The following CLUH variants were observed in gnomAD, a reference collection of about 807,000 sequenced individuals.
CLUH encodes the protein CLUH binding protein of NUMT mRNA.
Under a neutral mutation model 139.3 loss-of-function variants are expected in CLUH, and 77 were observed. That is an observed-to-expected ratio of 0.55 (90% CI 0.46 to 0.67). CLUH has a LOEUF of 0.67. Among genes scored for constraint, CLUH ranks in the 30% least tolerant of loss-of-function variants. CLUH has a pLI of 0.00. For missense variants in CLUH, 1,876 were observed against 1,875.8 expected (o/e 1.00, Z 0.00); for synonymous variants, 999 against 801.6 (o/e 1.25, Z -4.16).
chr17:2,691,945 G>A lies in CLUH; in HGVS notation c.3655-50C>T. 2.5e-5 allele frequency: 29 copies of A among 1,172,310 alleles called. 1 individual carries two copies. The highest frequency in any genetic ancestry group is 3.2e-5 in the Non-Finnish European group (29 of 904,828). The allele number at this position is 1,172,310 out of a possible 1,614,324, so 72.6% of individuals were successfully genotyped here. On this transcript the variant is annotated intron_variant, in intron 23 of 25. Coordinates refer to ENST00000651024, the MANE Select transcript of CLUH (RefSeq NM_001366661.1). ...GGCCCCCCCGTGCCCCCGCGGCCCCGCCCCCGCCCCGCCACGCCCCCGCCC... is the reference window on the plus strand; with the variant it reads ...GGCCCCCCCGTGCCCCCGCGGCCCCACCCCCGCCCCGCCACGCCCCCGCCC...
In CLUH at chr17:2,703,827, G is replaced by A. The variant is rs889587509; in HGVS notation, c.304-338C>T. Among the ~76,000 whole-genome samples, 10 of 152,076 alleles carry A rather than the reference G, an allele frequency of 6.6e-5. No individual in the cohort carries two copies. Among genetic ancestry groups the A allele is most frequent in the Non-Finnish European group, 1.2e-4 (8 of 68,018 alleles). On this transcript the variant is annotated intron_variant, in intron 2 of 25. Coordinates refer to ENST00000651024, the MANE Select transcript of CLUH (RefSeq NM_001366661.1). The surrounding 1 kb of genome is among the most constrained non-coding windows in gnomAD (Gnocchi z 4.2). ...GACAGAAGACGGCAGGCTCGCCCCC[G>A]GCCTTGCCCAGTGCTAAGGTGCCTG...
Position 2,694,838 on chromosome 17 carries a change from G to GGCCCC in CLUH, c.2852+18_2852+19insGGGGC. The GGCCCC allele has an allele frequency of 3.0e-6, 2 of 671,490 alleles. No individual in the cohort carries two copies. The highest frequency in any genetic ancestry group is 4.6e-6 in the Non-Finnish European group (2 of 435,574). The allele number at this position is 671,490 out of a possible 1,614,324, so 41.6% of individuals were successfully genotyped here. On this transcript the variant is annotated intron_variant, in intron 16 of 25. Transcript: ENST00000651024. ...TCTGCCCAATCCCACCCACCCCACC[G>GGCCCC]CCCCTGCCCCGCACGCACCACTCGA...
Position 2,695,304 on chromosome 17 carries a change from C to T in CLUH, c.2545-24G>A, listed in dbSNP as rs1481513439. 3.1e-6 allele frequency: 5 copies of T among 1,613,554 alleles called. No homozygotes were observed. The African/African-American group carries it at 4.0e-5, about 13-fold the overall frequency. The stretch of plus-strand genomic sequence containing the variant: ...TTCTGGAAGGATTCAGAAGGGAGGT[C>T]TTGGTCAGGCCCCCGGCCTCCATCC... On this transcript the variant is annotated intron_variant, in intron 14 of 25. Coordinates refer to ENST00000651024, the MANE Select transcript of CLUH (RefSeq NM_001366661.1).
chr17:2,695,443 C>T lies in CLUH; in HGVS notation c.2475G>A (p.Met825Ile), dbSNP rs1481387862. The change falls in exon 14 of 26, where the codon ATG becomes ATA. Residue 825 changes from methionine (M) to isoleucine (I), a missense_variant. Around this residue, in one of 3 missense-constraint regions of CLUH, gnomAD observed 1,454 missense variants for 1,384.4 expected, o/e 1.05. Coordinates refer to ENST00000651024, the MANE Select transcript of CLUH (RefSeq NM_001366661.1). ...AEVMRQRGIN[M>I]RYLGKVLELV... Reference sequence around the variant, plus strand: ...GCTCCAGCACCTTGCCCAGGTAGCGCATGTTGATGCCCCGCTGGCGCATCA... The same window carrying T: ...GCTCCAGCACCTTGCCCAGGTAGCGTATGTTGATGCCCCGCTGGCGCATCA... The T allele has an allele frequency of 1.2e-6, 2 of 1,612,130 alleles. No individual in the cohort carries two copies. The highest frequency in any genetic ancestry group is 1.7e-5 in the Admixed American group (1 of 59,988).
chr17:2,705,499 C>G (rs571091508), intron 1 of CLUH, among the ~76,000 whole-genome samples: 1 of 152,174 alleles, frequency 6.6e-6, no homozygotes, highest in South Asian at 2.1e-4. Context: ...GCCCTCCCAC[C>G]GCTGTGCTTC....
At chr17:2,690,943 GAAGGT>G (rs1158339782) in intron 25 of CLUH, among the ~76,000 whole-genome samples, 166 bp from the exon 26 acceptor site, 1 of 152,152 alleles carries the variant, frequency 6.6e-6, no homozygotes, top group Non-Finnish European at 1.5e-5. Flanking sequence ...TGAACACGGA[GAAGGT>G]AAGGACCCCG....
chr17:2,709,041 G>A (rs796460826), intron 1 of CLUH, among the ~76,000 whole-genome samples: 14 of 152,326 alleles, frequency 9.2e-5, no homozygotes, highest in African/African-American at 2.6e-4. Flanking sequence ...CTGCATACAC[G>A]CAAACTCAGA....
Position 2,711,722 on chromosome 17 carries a change from G to C in CLUH, c.-61C>G, listed in dbSNP as rs2070529352. On this transcript the variant is annotated 5_prime_UTR_variant, in exon 1 of 26. Transcript: ENST00000651024. ...GCCGCCCGCCGCGCCACTAACCCAAGTGCCCTGCGCGCCGCGGCTGCTGAG... is the reference window on the plus strand; with the variant it reads ...GCCGCCCGCCGCGCCACTAACCCAACTGCCCTGCGCGCCGCGGCTGCTGAG... 1 of 719,296 alleles carries C rather than the reference G, an allele frequency of 1.4e-6. No individual in the cohort carries two copies. The highest frequency in any genetic ancestry group is 1.3e-4 in the East Asian group (1 of 7,544). 44.6% of individuals were successfully genotyped at this position (719,296 alleles called of 1,614,324 possible). A position where few individuals can be genotyped will look rare whatever the true frequency, so the allele number is the denominator to read the frequency against.
chr17:2,698,294 C>G lies in CLUH; in HGVS notation c.1563G>C (p.Thr521=), dbSNP rs943042370. 1.2e-6 allele frequency: 2 copies of G among 1,612,004 alleles called. No homozygotes were observed. The highest frequency in any genetic ancestry group is 1.7e-6 in the Non-Finnish European group (2 of 1,179,484). ...VVVDYRGYRV[T]AQSIIPGILE... ...GGATGCCGGGGATGATGGACTGGGC[C>G]GTGACCCGGTAGCCGCGGTAATCCA... The change falls in exon 10 of 26, where the codon ACG becomes ACC. Residue 521 remains threonine, a synonymous_variant. Coordinates refer to ENST00000651024, the MANE Select transcript of CLUH (RefSeq NM_001366661.1).
chr17:2,709,487 C>A lies in CLUH; in HGVS notation c.100+2075G>T, dbSNP rs140232475. On this transcript the variant is annotated intron_variant, in intron 1 of 25. Transcript: ENST00000651024. ...GATCCTGTTGCGGAGCTCCCATAAG[C>A]CCCTAGACTCCTTCCCCAGCTGCCA... 2.0e-5 allele frequency among the ~76,000 whole-genome samples: 3 copies of A among 152,248 alleles called. No individual in the cohort carries two copies. In the East Asian group the frequency reaches 5.8e-4, roughly 29 times the overall value.
intron 13 of CLUH, chr17:2,695,736 A>C: frequency 1.4e-5 from 9 of 654,558 alleles, no homozygotes; most frequent in East Asian, 2.8e-5. Context: ...CCCTCTAACC[A>C]TGTGGGAGAA....
rs2069560858 is a variant in CLUH at position 2,689,998 on chromosome 17, A to T, written c.*596T>A. On this transcript the variant is annotated 3_prime_UTR_variant, in exon 26 of 26. Coordinates refer to ENST00000651024, the MANE Select transcript of CLUH (RefSeq NM_001366661.1). ...CAGCAGCCAGACCACGCCAGTCACA[A>T]CGGCGGCTCCCGTCCCGCCCCAAAC... 6.6e-6 allele frequency: 1 copy of T among 151,930 alleles called. No homozygotes were observed. Among genetic ancestry groups the T allele is most frequent in the South Asian group, 2.1e-4 (1 of 4,808 alleles). The allele number at this position is 151,930 out of a possible 1,614,324, so 9.4% of individuals were successfully genotyped here.
At chr17:2,710,100 A>C (rs1419866547) in intron 1 of CLUH, among the ~76,000 whole-genome samples, 1 of 152,196 alleles carries the variant, frequency 6.6e-6, no homozygotes, top group Non-Finnish European at 1.5e-5. Context: ...GGGCCAGGCC[A>C]CGGCAGCCTT....
At chr17:2,710,616 G>C (rs2070485270) in intron 1 of CLUH, among the ~76,000 whole-genome samples, 1 of 152,132 alleles carries the variant, frequency 6.6e-6, no homozygotes, top group South Asian at 2.1e-4. Context: ...CTGAGGGCCT[G>C]GGAAGGGGAT....
At chr17:2,691,962 C>CCCCCGCCCCG (rs774014694) in intron 23 of CLUH, 42 bp downstream of exon 23, 2 of 672,592 alleles carry the variant, frequency 3.0e-6, no homozygotes, top group Non-Finnish European at 3.6e-6. Flanking sequence ...CCCCGCCACG[C>CCCCCGCCCCG]CCCCGCCCCG....
rs2069903924 is a variant in CLUH at position 2,695,497 on chromosome 17, C to T, written c.2421G>A (p.Leu807=). The change falls in exon 14 of 26, where the codon CTG becomes CTA. Residue 807 remains leucine (L), a synonymous_variant. Coordinates refer to ENST00000651024, the MANE Select transcript of CLUH (RefSeq NM_001366661.1). ...LVKDCMEHAV[L]PVDGATLAEV... The stretch of plus-strand genomic sequence containing the variant: ...CTGCCAGCGTTGCCCCGTCCACGGG[C>T]AGGACCGCGTGCTCCATGCAGTCCT... 1.2e-6 allele frequency: 2 copies of T among 1,606,916 alleles called. No homozygotes were observed. Among genetic ancestry groups the T allele is most frequent in the East Asian group, 4.5e-5 (2 of 44,866 alleles).
intron 19 of CLUH, among the ~76,000 whole-genome samples, chr17:2,693,540 A>T (rs944557750): frequency 1.9e-5 from 2 of 105,186 alleles, no homozygotes; most frequent in African/African-American, 7.4e-5. Flanking sequence ...CACAGCCTCC[A>T]CCAGCCCCGG....
chr17:2,692,120 G>C, intron 22 of CLUH, 23 bp from the exon 23 acceptor site: 1 of 1,578,962 alleles, frequency 6.3e-7, no homozygotes, highest in South Asian at 1.2e-5. Context: ...GCGGCGCGGG[G>C]CGAGGGAAGG....
In CLUH at chr17:2,689,418, T is replaced by C. The variant is rs562803367; in HGVS notation, c.*1176A>G. ...GTTTCAAAAACTCACTTTATTCCAA[T>C]GTGAAATGAGGACGTGATGGTTTAA... On this transcript the variant is annotated 3_prime_UTR_variant, in exon 26 of 26. Transcript: ENST00000651024. 6.5e-6 allele frequency: 1 copy of C among 152,724 alleles called. No homozygotes were observed. Among genetic ancestry groups the C allele is most frequent in the African/African-American group, 2.4e-5 (1 of 41,564 alleles). 9.5% of individuals were successfully genotyped at this position (152,724 alleles called of 1,614,324 possible).
Sources: gnomAD v4.1 joint callset for allele counts (sites outside exome capture counted in the v4.1 genomes callset) on GRCh38, gnomAD v4.1.1 for gene constraint, gnomAD v4.1.1 regional missense constraint, Gnocchi (gnomAD v3.1) non-coding constraint, MANE v1.5 for transcripts, NCBI Gene and HGNC (gene_info 2026-07-23, HGNC 2026-07-21) for gene names.